GRM8: variants seen among roughly 807,000 people sequenced by gnomAD.
The protein encoded by GRM8 is metabotropic glutamate receptor 8.
Under a neutral mutation model 87.2 loss-of-function variants are expected in GRM8, and 47 were observed. The observed-to-expected ratio is 0.54, with a 90% CI of 0.43 to 0.69. The LOEUF is 0.69. Ranked by LOEUF, GRM8 falls within the 30% of genes least tolerant of loss-of-function variation. The probability of loss-of-function intolerance (pLI) is 0.00; values close to 1 mark genes in which losing one functional copy is unlikely to be tolerated. For synonymous variants in GRM8, 396 were observed against 404.5 expected (o/e 0.98, Z 0.25); for missense variants, 1,019 against 1,139.2 (o/e 0.89, Z 1.52).
chr7:126,851,814 T>C (rs1346700549), intron 6 of GRM8, among the ~76,000 whole-genome samples: 3 of 152,176 alleles, frequency 2.0e-5, no homozygotes, highest in African/African-American at 7.2e-5. Flanking sequence ...TTACCCTGCT[T>C]TATTTTTCCC....
At chr7:126,582,461 G>A (rs1795700966) in intron 8 of GRM8, among the ~76,000 whole-genome samples, 3 of 152,276 alleles carry the variant, frequency 2.0e-5, no homozygotes, top group Admixed American at 2.0e-4. Context: ...GATGTAGCAA[G>A]TACTCATATG....
chr7:127,185,348 G>T (rs548244091), intron 2 of GRM8, among the ~76,000 whole-genome samples: 1 of 152,032 alleles, frequency 6.6e-6, no homozygotes, highest in African/African-American at 2.4e-5. Context: ...AGAAGCAATG[G>T]CAATTCAATG....
rs548689394 is a variant in GRM8, at chr7:126,981,493, C to T, written c.728-76810G>A. On this transcript the variant is annotated intron_variant, in intron 3 of 10. Coordinates refer to ENST00000339582, the MANE Select transcript of GRM8 (RefSeq NM_000845.3). ...TAAGGTAGTGCATGGTATCACATAGCGAGGAAGTTGAGCATGCTAAAGTGC... is the reference window on the plus strand; with the variant it reads ...TAAGGTAGTGCATGGTATCACATAGTGAGGAAGTTGAGCATGCTAAAGTGC... 5.2e-4 allele frequency among the ~76,000 whole-genome samples: 79 copies of T among 152,248 alleles called. 1 individual carries two copies. Among genetic ancestry groups the T allele is most frequent in the South Asian group, 6.2e-4 (3 of 4,824 alleles).
intron 7 of GRM8, among the ~76,000 whole-genome samples, chr7:126,664,936 T>C (rs1262065155): frequency 6.6e-6 from 1 of 151,926 alleles, no homozygotes; most frequent in Non-Finnish European, 1.5e-5. Flanking sequence ...TAAAAACCAA[T>C]AACTCCACTA....
chr7:126,730,744 G>C (rs1293070186), intron 7 of GRM8, among the ~76,000 whole-genome samples: 1 of 152,020 alleles, frequency 6.6e-6, no homozygotes, highest in Non-Finnish European at 1.5e-5. Context: ...TCAATATGGA[G>C]AAAGTTACTA....
At chr7:126,593,310 G>A (rs58914929) in intron 8 of GRM8, among the ~76,000 whole-genome samples, 3,656 of 152,016 alleles carry the variant, frequency 0.024, 138 homozygotes, top group African/African-American at 0.084. Context: ...ACACAATCTG[G>A]AGTGAAAAGA....
intron 2 of GRM8, among the ~76,000 whole-genome samples, chr7:127,233,774 C>G (rs1206186135): frequency 6.6e-6 from 1 of 152,178 alleles, no homozygotes. Flanking sequence ...ATTGAGAACA[C>G]ATGTCTATTA....
intron 2 of GRM8, among the ~76,000 whole-genome samples, chr7:127,115,750 T>C (rs1018800288): frequency 1.3e-5 from 2 of 152,166 alleles, no homozygotes; most frequent in Admixed American, 6.5e-5. Context: ...TCACTAGTAG[T>C]GTGGGGATTT....
intron 6 of GRM8, among the ~76,000 whole-genome samples, chr7:126,825,137 G>A (rs192625834): frequency 8.7e-4 from 132 of 152,058 alleles, no homozygotes; most frequent in African/African-American, 3.1e-3. Flanking sequence ...GGGTGACCTC[G>A]GCTCACTGCA....
At chr7:127,173,442 C>T (rs1041706642) in intron 2 of GRM8, among the ~76,000 whole-genome samples, 1 of 151,946 alleles carries the variant, frequency 6.6e-6, no homozygotes, top group Admixed American at 6.6e-5. Flanking sequence ...GCAAGAAGGA[C>T]ACGAAGCAGA....
chr7:126,563,460 C>A (rs1368940821), intron 8 of GRM8, among the ~76,000 whole-genome samples: 2 of 152,130 alleles, frequency 1.3e-5, no homozygotes, highest in Non-Finnish European at 2.9e-5. Context: ...TTCCCAAAAA[C>A]TACCTTTACT....
In GRM8 at chr7:126,700,139, C is replaced by T. The variant is rs570246896; in HGVS notation, c.1357+69726G>A. On this transcript the variant is annotated intron_variant, in intron 7 of 10. Transcript: ENST00000339582. ...AATGAAGTTTCTCCATTCAATTTCA[C>T]ATCAGTAACTGCAGGTTGTATTATG... 5.9e-5 allele frequency among the ~76,000 whole-genome samples: 9 copies of T among 152,268 alleles called. No homozygotes were observed. The South Asian group carries it at 1.7e-3, about 28-fold the overall frequency.
chr7:127,123,175 A>G (rs954711355), intron 2 of GRM8, among the ~76,000 whole-genome samples: 1 of 152,156 alleles, frequency 6.6e-6, no homozygotes, highest in Non-Finnish European at 1.5e-5. Flanking sequence ...TCCATATAAT[A>G]GTCGCCAGGG....
intron 2 of GRM8, among the ~76,000 whole-genome samples, chr7:127,107,878 G>A (rs1283076047): frequency 6.6e-6 from 1 of 152,180 alleles, no homozygotes; most frequent in Admixed American, 6.5e-5. Context: ...TTCCTAAAAC[G>A]TAAAAGTCAT....
At chr7:127,060,675 A>G (rs150114808) in intron 3 of GRM8, among the ~76,000 whole-genome samples, 123 of 152,328 alleles carry the variant, frequency 8.1e-4, no homozygotes, top group African/African-American at 2.5e-3. Context: ...TAAGTATGGC[A>G]TGCCTTTTTT....
chr7:126,444,317 G>A (rs73442925), intron 10 of GRM8, among the ~76,000 whole-genome samples: 112 of 152,160 alleles, frequency 7.4e-4, no homozygotes, highest in African/African-American at 2.3e-3. Context: ...GCTAAGAGCC[G>A]AAATAGGTTT....
chr7:126,643,614 A>G (rs910231555), intron 7 of GRM8, among the ~76,000 whole-genome samples: 18 of 152,092 alleles, frequency 1.2e-4, no homozygotes, highest in African/African-American at 4.1e-4. Context: ...GATTTTAAAA[A>G]CTACGAGAAG....
At chr7:126,692,362 A>T (rs1808916500) in intron 7 of GRM8, among the ~76,000 whole-genome samples, 1 of 152,228 alleles carries the variant, frequency 6.6e-6, no homozygotes, top group Admixed American at 6.5e-5. Context: ...GAGAGTGACA[A>T]AGAATGATGA....
At chr7:127,025,997 C>A (rs375856177) in intron 3 of GRM8, among the ~76,000 whole-genome samples, 2 of 152,164 alleles carry the variant, frequency 1.3e-5, no homozygotes, top group East Asian at 3.9e-4. Context: ...GTTATCCCTC[C>A]CCCAGCCCCC....
Sources: gnomAD v4.1 joint callset for allele counts (sites outside exome capture counted in the v4.1 genomes callset) on GRCh38, gnomAD v4.1.1 for gene constraint, MANE v1.5 for transcripts, NCBI Gene and HGNC (gene_info 2026-07-23, HGNC 2026-07-21) for gene names.